JAZF1: variants seen among roughly 807,000 people sequenced by gnomAD.
The protein encoded by JAZF1 is JAZF zinc finger 1.
A neutral mutation model predicts 26.4 loss-of-function variants in JAZF1; 8 were observed. The observed-to-expected ratio is 0.30, with a 90% CI of 0.18 to 0.55. JAZF1 has a LOEUF of 0.55. Ranked by LOEUF, JAZF1 falls within the 20% of genes least tolerant of loss-of-function variation. The probability of loss-of-function intolerance (pLI) is 0.94; values close to 1 mark genes in which losing one functional copy is unlikely to be tolerated. For synonymous variants in JAZF1, 126 were observed against 122.3 expected, an observed-to-expected ratio of 1.03 and a Z score of -0.20; for missense variants, 199 against 322.0, an observed-to-expected ratio of 0.62 and a Z score of 2.92.
intron 2 of JAZF1, among the ~76,000 whole-genome samples, chr7:27,985,869 T>C (rs964588400): frequency 2.6e-5 from 4 of 152,172 alleles, no homozygotes; most frequent in African/African-American, 7.2e-5. Context: ...ATTATCTCAA[T>C]AGAAGCAGAA....
At chr7:27,919,722 G>C (rs1784498660) in intron 2 of JAZF1, among the ~76,000 whole-genome samples, 1 of 152,176 alleles carries the variant, frequency 6.6e-6, no homozygotes, top group Non-Finnish European at 1.5e-5. Context: ...CTACAGGAGT[G>C]CTCTGGAACG....
intron 1 of JAZF1, among the ~76,000 whole-genome samples, chr7:28,094,069 C>G (rs1042891599): frequency 6.6e-6 from 1 of 152,170 alleles, no homozygotes; most frequent in African/African-American, 2.4e-5. Context: ...TTATTTCAGA[C>G]AGTGATAAAT....
chr7:27,898,817 G>A (rs922519341), intron 2 of JAZF1, among the ~76,000 whole-genome samples: 23 of 152,188 alleles, frequency 1.5e-4, no homozygotes, highest in Admixed American at 3.3e-4. Flanking sequence ...AAGCCCTGTC[G>A]CTAAGACTTC....
chr7:28,154,098 G>A (rs369598022), intron 1 of JAZF1, among the ~76,000 whole-genome samples: 8 of 152,126 alleles, frequency 5.3e-5, no homozygotes, highest in African/African-American at 1.7e-4. Flanking sequence ...AAGCCTCCCC[G>A]AAGTTTTGGG....
At chr7:28,007,831 T>C (rs1782730175) in intron 1 of JAZF1, among the ~76,000 whole-genome samples, 1 of 152,330 alleles carries the variant, frequency 6.6e-6, no homozygotes, top group African/African-American at 2.4e-5. Context: ...AGATATCCCA[T>C]ATACTTTTGC....
intron 1 of JAZF1, among the ~76,000 whole-genome samples, chr7:28,128,021 C>T (rs1014105694): frequency 7.2e-5 from 11 of 152,104 alleles, no homozygotes; most frequent in African/African-American, 1.2e-4. Flanking sequence ...CAAACCATTT[C>T]GGTGGCCTAC....
At chr7:27,867,649 T>C (rs927037449) in intron 3 of JAZF1, among the ~76,000 whole-genome samples, 4 of 152,234 alleles carry the variant, frequency 2.6e-5, no homozygotes, top group Non-Finnish European at 5.9e-5. Flanking sequence ...TGACAAACTT[T>C]GACATAAGCG....
At chr7:28,121,372 C>T (rs895493619) in intron 1 of JAZF1, among the ~76,000 whole-genome samples, 1 of 152,070 alleles carries the variant, frequency 6.6e-6, no homozygotes, top group African/African-American at 2.4e-5. Flanking sequence ...TCTACAAGCG[C>T]AAAGTAAGAA....
intron 2 of JAZF1, among the ~76,000 whole-genome samples, chr7:27,897,772 C>A (rs1268144982): frequency 6.6e-6 from 1 of 152,180 alleles, no homozygotes; most frequent in South Asian, 2.1e-4. Context: ...ATAGCTTCCA[C>A]TCCTACCTCT....
intron 2 of JAZF1, among the ~76,000 whole-genome samples, chr7:27,986,803 G>A (rs970460693): frequency 3.3e-5 from 5 of 152,152 alleles, no homozygotes; most frequent in African/African-American, 7.2e-5. Flanking sequence ...TTGCAGGCGC[G>A]CGCTGCCATG....
chr7:27,944,401 G>T (rs1278780522), intron 2 of JAZF1, among the ~76,000 whole-genome samples: 1 of 152,136 alleles, frequency 6.6e-6, no homozygotes, highest in South Asian at 2.1e-4. Flanking sequence ...TTGCCATTTG[G>T]CTTCCTATTT....
At chr7:28,122,696 T>A (rs1782624212) in intron 1 of JAZF1, among the ~76,000 whole-genome samples, 3 of 152,012 alleles carry the variant, frequency 2.0e-5, no homozygotes, top group African/African-American at 7.3e-5. Context: ...GTTAGGGCAA[T>A]CCCGGAACAC....
chr7:27,909,842 A>G (rs1464482311), intron 2 of JAZF1, among the ~76,000 whole-genome samples: 1 of 152,216 alleles, frequency 6.6e-6, no homozygotes, highest in Non-Finnish European at 1.5e-5. Flanking sequence ...CATATTTTTC[A>G]TCTTGTGTTC....
chr7:27,927,781 T>C lies in JAZF1; in HGVS notation c.189-32365A>G, dbSNP rs537626429. On this transcript the variant is annotated intron_variant, in intron 2 of 4. Coordinates refer to ENST00000283928, the MANE Select transcript of JAZF1 (RefSeq NM_175061.4). ...TAATGGTAGATATGGTAATGCTGTTTGGGTAAGGAGTTCTCAGCACCCTTT... is the reference window on the plus strand; with the variant it reads ...TAATGGTAGATATGGTAATGCTGTTCGGGTAAGGAGTTCTCAGCACCCTTT... Among the ~76,000 whole-genome samples the C allele has an allele frequency of 6.0e-4, 92 of 152,294 alleles. 2 individuals are homozygous for C. The South Asian group carries it at 0.019, about 32-fold the overall frequency.
At chr7:27,912,536 CT>C (rs939367823) in intron 2 of JAZF1, among the ~76,000 whole-genome samples, 1 of 152,052 alleles carries the variant, frequency 6.6e-6, no homozygotes, top group African/African-American at 2.4e-5. Context: ...TCACCCACCC[CT>C]ATAAATGGAG....
chr7:27,835,194 A>G (rs1782782183), intron 4 of JAZF1, among the ~76,000 whole-genome samples: 1 of 152,242 alleles, frequency 6.6e-6, no homozygotes, highest in Admixed American at 6.5e-5. Context: ...GAAACCAAAA[A>G]TAGAAAAGCA....
chr7:28,055,427 G>A (rs527629371), intron 1 of JAZF1, among the ~76,000 whole-genome samples: 6 of 151,988 alleles, frequency 3.9e-5, no homozygotes, highest in African/African-American at 1.4e-4. Flanking sequence ...CCCTAAGCCC[G>A]TCCTATGAAG....
chr7:27,888,674 A>C (rs1783913237), intron 3 of JAZF1, among the ~76,000 whole-genome samples: 1 of 152,224 alleles, frequency 6.6e-6, no homozygotes, highest in South Asian at 2.1e-4. Context: ...TGTAAAAGCC[A>C]TAAAGAAATG....
chr7:27,962,540 G>C (rs573170891), intron 2 of JAZF1, among the ~76,000 whole-genome samples: 12 of 152,274 alleles, frequency 7.9e-5, no homozygotes, highest in African/African-American at 2.2e-4. Flanking sequence ...AGAAGCCAAA[G>C]GGATCAGTCC....
Sources: gnomAD v4.1 joint callset for allele counts (sites outside exome capture counted in the v4.1 genomes callset) on GRCh38, gnomAD v4.1.1 for gene constraint, MANE v1.5 for transcripts, NCBI Gene and HGNC (gene_info 2026-07-23, HGNC 2026-07-21) for gene names.